The following AOPEP variants were observed in gnomAD, a reference collection of about 807,000 sequenced individuals.
AOPEP encodes the protein aminopeptidase O.
In AOPEP, 77 loss-of-function variants were observed where a neutral mutation model predicts 98.1. The ratio of observed to expected loss-of-function variants is 0.78; its 90% CI spans 0.65 to 0.95. The LOEUF is 0.95. Among genes scored for constraint, AOPEP ranks in the 40% least tolerant of loss-of-function variants. The pLI, the probability that AOPEP is intolerant of heterozygous loss-of-function variation, is 0.00. For synonymous variants in AOPEP, 346 were observed against 365.3 expected, an observed-to-expected ratio of 0.95 and a Z score of 0.60; for missense variants, 1,024 against 1,024.7, an observed-to-expected ratio of 1.00 and a Z score of 0.01.
chr9:95,115,672 G>A, the AOPEP span, among the ~76,000 whole-genome samples: 1 of 152,122 alleles, frequency 6.6e-6, no homozygotes, highest in Non-Finnish European at 1.5e-5. Flanking sequence ...TGCTATAATC[G>A]AACACACAAG....
chr9:95,086,517 C>A (rs1465825632), intron 16 of AOPEP, 165 bp from the exon 17 acceptor site: 1 of 985,316 alleles, frequency 1.0e-6, no homozygotes, highest in African/African-American at 1.7e-5. Flanking sequence ...CGTCACACGG[C>A]TCGCTGTGAC....
chr9:94,966,406 G>A (rs2059203398), intron 9 of AOPEP, among the ~76,000 whole-genome samples: 1 of 152,208 alleles, frequency 6.6e-6, no homozygotes, highest in African/African-American at 2.4e-5. Context: ...TCAGAGTCTT[G>A]TGTGGAGTCT....
chr9:94,852,712 T>C (rs536467294), intron 5 of AOPEP, among the ~76,000 whole-genome samples: 229 of 152,354 alleles, frequency 1.5e-3, no homozygotes, highest in Middle Eastern at 3.4e-3. Context: ...ATGCAGTCAT[T>C]TTATTCTTAC....
chr9:94,801,889 A>G (rs1331234672), intron 5 of AOPEP, among the ~76,000 whole-genome samples: 1 of 152,230 alleles, frequency 6.6e-6, no homozygotes, highest in Non-Finnish European at 1.5e-5. Context: ...AGCAGCTGTC[A>G]TTTGTGGTGT....
At chr9:94,882,466 A>G (rs55957531) in intron 5 of AOPEP, among the ~76,000 whole-genome samples, 2,629 of 152,336 alleles carry the variant, frequency 0.017, 83 homozygotes, top group African/African-American at 0.06. Context: ...CAACTAAACA[A>G]TCTTATCCAA....
intron 5 of AOPEP, among the ~76,000 whole-genome samples, chr9:94,900,616 G>T (rs1052195409): frequency 1.3e-5 from 2 of 152,132 alleles, no homozygotes; most frequent in Admixed American, 1.3e-4. Flanking sequence ...CATCGTGCTC[G>T]AGTAGAAGAT....
intron 13 of AOPEP, among the ~76,000 whole-genome samples, chr9:95,012,537 G>A (rs2062610381): frequency 6.6e-6 from 1 of 152,162 alleles, no homozygotes; most frequent in Admixed American, 6.5e-5. Context: ...ATTTTAAGGA[G>A]CTGCTGTTTT....
intron 13 of AOPEP, among the ~76,000 whole-genome samples, chr9:95,053,188 T>A (rs565736762): frequency 6.6e-6 from 1 of 152,346 alleles, no homozygotes; most frequent in Admixed American, 6.5e-5. Flanking sequence ...ACTTGTAGCA[T>A]GATTTAAGAA....
chr9:94,742,848 T>G (rs1833474408), intron 1 of AOPEP, among the ~76,000 whole-genome samples: 2 of 152,190 alleles, frequency 1.3e-5, no homozygotes, highest in Admixed American at 6.5e-5. Context: ...GATCTATTTT[T>G]ATTATATTTT....
chr9:94,878,169 T>G (rs1486324963), intron 5 of AOPEP, among the ~76,000 whole-genome samples: 2 of 151,196 alleles, frequency 1.3e-5, no homozygotes, highest in Non-Finnish European at 2.9e-5. Context: ...GGATAAAAGA[T>G]TAGAGGAAAA....
At chr9:94,974,040 CAT>C (rs2059691010) in intron 10 of AOPEP, among the ~76,000 whole-genome samples, 1 of 152,338 alleles carries the variant, frequency 6.6e-6, no homozygotes, top group African/African-American at 2.4e-5. Context: ...AACCTGCACA[CAT>C]GTCATCTTTC....
intron 1 of AOPEP, among the ~76,000 whole-genome samples, chr9:94,736,187 A>C (rs1015656444): frequency 1.3e-5 from 2 of 152,180 alleles, no homozygotes; most frequent in Non-Finnish European, 2.9e-5. Context: ...GGGGATTCCT[A>C]TAGGAAGTGG....
intron 1 of AOPEP, among the ~76,000 whole-genome samples, chr9:94,750,269 T>A (rs117332554): frequency 0.014 from 2,163 of 152,290 alleles, 50 homozygotes; most frequent in East Asian, 0.089. Flanking sequence ...TGAACTCTAG[T>A]CTCTCATTCT....
intron 5 of AOPEP, 53 bp downstream of exon 5, chr9:94,801,055 A>C: frequency 6.3e-7 from 1 of 1,598,780 alleles, no homozygotes. Flanking sequence ...AAATTCTTTG[A>C]CTATGTCTTG....
intron 5 of AOPEP, among the ~76,000 whole-genome samples, chr9:94,878,846 T>G (rs2047262122): frequency 6.6e-6 from 1 of 152,252 alleles, no homozygotes; most frequent in Non-Finnish European, 1.5e-5. Flanking sequence ...TAGACAGAGC[T>G]GATTTATCAA....
chr9:94,968,317 C>T (rs982305413), intron 10 of AOPEP, among the ~76,000 whole-genome samples: 7 of 152,028 alleles, frequency 4.6e-5, no homozygotes, highest in African/African-American at 1.2e-4. Flanking sequence ...GGCAAGATCT[C>T]GGTTCACTGC....
chr9:94,810,218 T>C (rs1163530210), intron 5 of AOPEP, among the ~76,000 whole-genome samples: 2 of 152,076 alleles, frequency 1.3e-5, no homozygotes, highest in African/African-American at 4.8e-5. Context: ...TCACTGGGCC[T>C]CCCTGGCCTA....
intron 13 of AOPEP, among the ~76,000 whole-genome samples, chr9:95,020,786 T>C (rs1301516888): frequency 6.6e-6 from 1 of 151,604 alleles, no homozygotes; most frequent in Non-Finnish European, 1.5e-5. Context: ...GGTGTGGTGG[T>C]GCATGGCTGT....
intron 5 of AOPEP, among the ~76,000 whole-genome samples, chr9:94,871,249 A>G (rs2046318787): frequency 6.6e-6 from 1 of 152,208 alleles, no homozygotes; most frequent in Non-Finnish European, 1.5e-5. Flanking sequence ...GGCACAGGTA[A>G]TGCCACCACT....
Sources: allele counts gnomAD v4.1 joint callset (sites outside exome capture counted in the v4.1 genomes callset), GRCh38; gene constraint gnomAD v4.1.1; transcripts MANE v1.5; gene names NCBI Gene and HGNC (gene_info 2026-07-23, HGNC 2026-07-21).